DGKB: variants seen among roughly 807,000 people sequenced by gnomAD.
DGKB encodes the protein diacylglycerol kinase beta.
Under a neutral mutation model 114.3 loss-of-function variants are expected in DGKB, and 67 were observed. The observed-to-expected ratio is 0.59, with a 90% CI of 0.48 to 0.72. The LOEUF is 0.72. DGKB is among the 30% of genes least tolerant of loss of function. The probability of loss-of-function intolerance (pLI) is 0.00; values close to 1 mark genes in which losing one functional copy is unlikely to be tolerated. For synonymous variants in DGKB, 398 were observed against 323.1 expected (o/e 1.23, Z -2.49); for missense variants, 907 against 975.2 (o/e 0.93, Z 0.93).
intron 22 of DGKB, among the ~76,000 whole-genome samples, chr7:14,342,317 T>G (rs990257985): frequency 1.3e-5 from 2 of 152,004 alleles, no homozygotes; most frequent in East Asian, 3.9e-4. Context: ...TCTTATTCTC[T>G]CATTAACTTT....
chr7:14,944,613 G>A (rs1367163075), intron 1 of DGKB, among the ~76,000 whole-genome samples: 1 of 151,636 alleles, frequency 6.6e-6, no homozygotes, highest in Non-Finnish European at 1.5e-5. Context: ...ACTCCTAATG[G>A]ATGGTGATTT....
chr7:14,469,591 T>C (rs1023028941), intron 21 of DGKB, among the ~76,000 whole-genome samples: 7 of 152,018 alleles, frequency 4.6e-5, no homozygotes, highest in African/African-American at 1.7e-4. Flanking sequence ...AGTGTTCTGG[T>C]TTTATTAATG....
intron 16 of DGKB, among the ~76,000 whole-genome samples, chr7:14,608,487 G>T (rs1473503289): frequency 6.6e-6 from 1 of 152,014 alleles, no homozygotes; most frequent in East Asian, 1.9e-4. Context: ...ACAGCACACT[G>T]AATGAGCAAA....
At chr7:14,555,504 A>G (rs566790389) in intron 20 of DGKB, among the ~76,000 whole-genome samples, 52 of 152,240 alleles carry the variant, frequency 3.4e-4, no homozygotes, top group African/African-American at 1.2e-3. Context: ...TTAATATATA[A>G]ATTAATTTGG....
rs1006203833 is a variant in DGKB, at chr7:14,159,587, A to G, written c.2305-10349T>C. ...ACTTTGTATTGTTTTCTCTCCATTCATTGTAACACTAGGACAAAATGTCAG... is the reference window on the plus strand; with the variant it reads ...ACTTTGTATTGTTTTCTCTCCATTCGTTGTAACACTAGGACAAAATGTCAG... On this transcript the variant is annotated intron_variant, in intron 25 of 25. Transcript: ENST00000402815. Among the ~76,000 whole-genome samples the G allele has an allele frequency of 5.3e-5, 8 of 152,258 alleles. No homozygotes were observed. In the East Asian group the frequency reaches 1.4e-3, roughly 26 times the overall value.
chr7:14,239,280 C>T (rs1011751114), intron 23 of DGKB, among the ~76,000 whole-genome samples: 1 of 142,572 alleles, frequency 7.0e-6, no homozygotes, highest in African/African-American at 2.7e-5. Flanking sequence ...GCTCTAAGAA[C>T]ATTATTGCTG....
intron 21 of DGKB, among the ~76,000 whole-genome samples, chr7:14,365,668 G>A (rs1816552744): frequency 6.6e-6 from 1 of 151,902 alleles, no homozygotes; most frequent in Non-Finnish European, 1.5e-5. Flanking sequence ...ACCAACCTAA[G>A]TTCTATACCA....
At chr7:14,284,527 C>A (rs1288894788) in intron 23 of DGKB, among the ~76,000 whole-genome samples, 1 of 143,942 alleles carries the variant, frequency 6.9e-6, no homozygotes, top group Non-Finnish European at 1.5e-5. Context: ...ACCCAAAGGA[C>A]TATAAATCAT....
At chr7:14,437,732 T>C (rs1829491021) in intron 21 of DGKB, among the ~76,000 whole-genome samples, 1 of 151,060 alleles carries the variant, frequency 6.6e-6, no homozygotes, top group African/African-American at 2.4e-5. Context: ...ATGATATAAT[T>C]TTTAAACATT....
intron 6 of DGKB, among the ~76,000 whole-genome samples, chr7:14,715,738 T>C (rs771988735): frequency 9.2e-5 from 14 of 152,302 alleles, no homozygotes; most frequent in East Asian, 1.9e-4. Context: ...CAAAACAATG[T>C]ACAGAGGGTT....
chr7:14,366,518 T>C (rs572456744), intron 21 of DGKB, among the ~76,000 whole-genome samples: 17 of 152,270 alleles, frequency 1.1e-4, no homozygotes, highest in Middle Eastern at 3.4e-3. Flanking sequence ...ATGCTGTTAG[T>C]GAGAGGAACA....
intron 23 of DGKB, among the ~76,000 whole-genome samples, chr7:14,193,397 C>A (rs965133653): frequency 6.6e-6 from 1 of 152,070 alleles, no homozygotes; most frequent in Non-Finnish European, 1.5e-5. Flanking sequence ...ACATTCAACA[C>A]CTACAGCCAA....
intron 21 of DGKB, among the ~76,000 whole-genome samples, chr7:14,477,207 G>C (rs921494105): frequency 6.6e-6 from 1 of 152,214 alleles, no homozygotes; most frequent in East Asian, 1.9e-4. Flanking sequence ...TATTTATTGT[G>C]AACCTACATG....
intron 20 of DGKB, among the ~76,000 whole-genome samples, chr7:14,478,441 AATTG>A (rs1369572373): frequency 6.6e-6 from 1 of 152,194 alleles, no homozygotes; most frequent in African/African-American, 2.4e-5. Flanking sequence ...ATAATTTCAC[AATTG>A]ATTATTTGTT....
At chr7:14,900,750 A>G (rs1782888921) in intron 1 of DGKB, among the ~76,000 whole-genome samples, 1 of 152,200 alleles carries the variant, frequency 6.6e-6, no homozygotes, top group Non-Finnish European at 1.5e-5. Context: ...CAGTAGGACA[A>G]GAAAGTATGA....
At chr7:14,761,603 G>T (rs1443794800) in intron 2 of DGKB, among the ~76,000 whole-genome samples, 1 of 152,198 alleles carries the variant, frequency 6.6e-6, no homozygotes, top group African/African-American at 2.4e-5. Context: ...AAAATAAACA[G>T]AGGAAGTTAT....
intron 21 of DGKB, among the ~76,000 whole-genome samples, chr7:14,347,059 C>T (rs186014868): frequency 7.8e-4 from 118 of 152,010 alleles, no homozygotes; most frequent in Non-Finnish European, 1.4e-3. Context: ...AATGCAATTA[C>T]CTTTGTCCCC....
intron 2 of DGKB, among the ~76,000 whole-genome samples, chr7:14,822,836 C>CTT (rs1562629474): frequency 2.6e-5 from 4 of 151,998 alleles, no homozygotes; most frequent in Non-Finnish European, 5.9e-5. Flanking sequence ...CACAAAATTG[C>CTT]AAATTAAAGA....
intron 2 of DGKB, among the ~76,000 whole-genome samples, chr7:14,765,587 C>T (rs1179690874): frequency 6.6e-6 from 1 of 151,862 alleles, no homozygotes; most frequent in South Asian, 2.1e-4. Flanking sequence ...TAATCCAATG[C>T]CTTGCACAAA....
Sources: gnomAD v4.1 joint callset for allele counts (sites outside exome capture counted in the v4.1 genomes callset) on GRCh38, gnomAD v4.1.1 for gene constraint, MANE v1.5 for transcripts, NCBI Gene and HGNC (gene_info 2026-07-23, HGNC 2026-07-21) for gene names.